The following DIAPH3 variants were observed in gnomAD, a reference collection of about 807,000 sequenced individuals.
DIAPH3 encodes the protein protein diaphanous homolog 3.
Under a neutral mutation model 144.3 loss-of-function variants are expected in DIAPH3, and 117 were observed. That is an observed-to-expected ratio of 0.81 (90% confidence interval 0.70 to 0.95). The LOEUF (loss-of-function observed/expected upper bound fraction) is 0.95, where lower values mean the gene tolerates loss of function less well. DIAPH3 is among the 40% of genes least tolerant of loss of function. The pLI is 0.00. For missense variants in DIAPH3, 1,421 were observed against 1,412.7 expected (o/e 1.01, Z -0.09); for synonymous variants, 519 against 488.9 (o/e 1.06, Z -0.81).
intron 27 of DIAPH3, among the ~76,000 whole-genome samples, chr13:59,737,675 C>T (rs977904218): frequency 2.0e-5 from 3 of 152,198 alleles, no homozygotes; most frequent in Non-Finnish European, 4.4e-5. Context: ...AACTTACTCT[C>T]TTAACCTCAC....
At chr13:60,073,392 T>C (rs948213555) in intron 4 of DIAPH3, among the ~76,000 whole-genome samples, 11 of 152,148 alleles carry the variant, frequency 7.2e-5, no homozygotes, top group African/African-American at 2.4e-4. Flanking sequence ...CATTTCCTAG[T>C]AAATGAAGGA....
chr13:60,145,446 G>A (rs1951464316), intron 1 of DIAPH3, among the ~76,000 whole-genome samples: 1 of 152,162 alleles, frequency 6.6e-6, no homozygotes, highest in Non-Finnish European at 1.5e-5. Context: ...AGGAGATCGA[G>A]ACCATCCTGG....
intron 3 of DIAPH3, among the ~76,000 whole-genome samples, chr13:60,096,410 CATG>C (rs1398572947): frequency 2.0e-5 from 3 of 152,166 alleles, no homozygotes; most frequent in Admixed American, 2.0e-4. Flanking sequence ...AAGACATCTT[CATG>C]ATAACACCAG....
At chr13:59,760,642 T>G (rs2037530257) in intron 27 of DIAPH3, among the ~76,000 whole-genome samples, 1 of 152,236 alleles carries the variant, frequency 6.6e-6, no homozygotes, top group African/African-American at 2.4e-5. Context: ...ATACATGCTT[T>G]AATGGAGGAA....
Position 59,979,730 on chromosome 13 carries a change from TAC to T in DIAPH3, c.1545+1063_1545+1064del, listed in dbSNP as rs552937885. ...ATAGAAATGTGCAACTGCCTCAAGATACATTTAGTATCTGCTACATCAAAAAC... is the reference window on the plus strand; with the variant it reads ...ATAGAAATGTGCAACTGCCTCAAGATATTTAGTATCTGCTACATCAAAAAC... On this transcript the variant is annotated intron_variant, in intron 14 of 27. Coordinates refer to ENST00000400324, the MANE Select transcript of DIAPH3 (RefSeq NM_001042517.2). 3.3e-5 allele frequency among the ~76,000 whole-genome samples: 5 copies of T among 151,794 alleles called. No individual in the cohort carries two copies. The East Asian group carries it at 9.7e-4, about 29-fold the overall frequency.
intron 5 of DIAPH3, among the ~76,000 whole-genome samples, chr13:60,041,199 G>T (rs1259458172): frequency 6.6e-6 from 1 of 152,048 alleles, no homozygotes; most frequent in Non-Finnish European, 1.5e-5. Flanking sequence ...CTTCATTTAT[G>T]AATATATCTG....
intron 3 of DIAPH3, among the ~76,000 whole-genome samples, chr13:60,099,694 C>T (rs1312156195): frequency 6.6e-6 from 1 of 151,290 alleles, no homozygotes; most frequent in Non-Finnish European, 1.5e-5. Context: ...GTTGCAACAG[C>T]AAAAAAAATA....
At chr13:60,023,990 G>A (rs2054214202) in intron 5 of DIAPH3, among the ~76,000 whole-genome samples, 1 of 151,192 alleles carries the variant, frequency 6.6e-6, no homozygotes, top group South Asian at 2.1e-4. Flanking sequence ...CAAGTAGCTG[G>A]GACTACAGGC....
In DIAPH3 at chr13:60,010,709, T is replaced by G. The variant is rs1323389238; in HGVS notation, c.772-40A>C. 6 of 1,591,190 alleles carry G rather than the reference T, an allele frequency of 3.8e-6. No individual in the cohort carries two copies. In the African/African-American group the frequency reaches 6.7e-5, roughly 18 times the overall value. On this transcript the variant is annotated intron_variant, in intron 7 of 27. Coordinates refer to ENST00000400324, the MANE Select transcript of DIAPH3 (RefSeq NM_001042517.2). ...AAATAAGAGGTCAAATGTTAGAAAT[T>G]AGTTAGAAAAATAATACCCTGAAGG...
chr13:59,841,675 T>C (rs996656850), intron 22 of DIAPH3, among the ~76,000 whole-genome samples: 3 of 152,174 alleles, frequency 2.0e-5, no homozygotes, highest in Non-Finnish European at 4.4e-5. Context: ...AAAAAAGTAG[T>C]GTATTAGTAG....
In DIAPH3 at chr13:59,717,015, C is replaced by G. The variant is rs150354090; in HGVS notation, c.3320-50169G>C. Among the ~76,000 whole-genome samples, 6 of 151,794 alleles carry G rather than the reference C, an allele frequency of 4.0e-5. No homozygotes were observed. In the East Asian group the frequency reaches 1.2e-3, roughly 29 times the overall value. On this transcript the variant is annotated intron_variant, in intron 27 of 27. Transcript: ENST00000400324. ...TTAAAAATTTCATGTACTGTGTTAA[C>G]TATCATAAAATGCAACAGAAACAAA...
chr13:60,133,502 AT>A (rs1007772255), intron 1 of DIAPH3, among the ~76,000 whole-genome samples: 44 of 152,142 alleles, frequency 2.9e-4, no homozygotes, highest in African/African-American at 1.0e-3. Context: ...AACTTAAACA[AT>A]TCTAGTAACA....
At chr13:59,982,486 A>T (rs1028341398) in intron 13 of DIAPH3, among the ~76,000 whole-genome samples, 2 of 151,032 alleles carry the variant, frequency 1.3e-5, no homozygotes, top group African/African-American at 4.9e-5. Context: ...CATTAATATT[A>T]TCTAGTTCTT....
chr13:60,099,220 T>C (rs185245104), intron 3 of DIAPH3, among the ~76,000 whole-genome samples: 5 of 152,278 alleles, frequency 3.3e-5, no homozygotes, highest in Admixed American at 1.3e-4. Context: ...CCATTAAAAA[T>C]TGAAATGCAG....
At chr13:59,712,240 C>T (rs569220112) in intron 27 of DIAPH3, among the ~76,000 whole-genome samples, 1 of 152,300 alleles carries the variant, frequency 6.6e-6, no homozygotes, top group African/African-American at 2.4e-5. Flanking sequence ...ATGGCAATAT[C>T]CTGAACAACC....
intron 27 of DIAPH3, among the ~76,000 whole-genome samples, chr13:59,769,788 G>T (rs1438438075): frequency 6.6e-6 from 1 of 151,800 alleles, no homozygotes; most frequent in Non-Finnish European, 1.5e-5. Context: ...CTTAAACTGG[G>T]CCAGCTGATT....
rs544208359 is a variant in DIAPH3, at chr13:59,839,591, T to C, written c.2738-143A>G. ...ATAAAATAAAAATAAATTTCACTTT[T>C]AACCTTTCAATTTAAAATCTAGTTA... On this transcript the variant is annotated intron_variant, in intron 22 of 27. Coordinates refer to ENST00000400324, the MANE Select transcript of DIAPH3 (RefSeq NM_001042517.2). The C allele has an allele frequency of 4.6e-5, 38 of 819,712 alleles. No individual in the cohort carries two copies. The African/African-American group carries it at 6.1e-4, about 13-fold the overall frequency. 50.8% of individuals were successfully genotyped at this position (819,712 alleles called of 1,614,324 possible). A position where few individuals can be genotyped will look rare whatever the true frequency, so the allele number is the denominator to read the frequency against.
chr13:60,004,417 T>A (rs2052731369), intron 9 of DIAPH3, among the ~76,000 whole-genome samples: 1 of 152,182 alleles, frequency 6.6e-6, no homozygotes, highest in Non-Finnish European at 1.5e-5. Flanking sequence ...GAAAAGAGTA[T>A]CTATGTTACC....
intron 5 of DIAPH3, among the ~76,000 whole-genome samples, chr13:60,033,659 C>T (rs926646251): frequency 7.2e-5 from 11 of 152,306 alleles, no homozygotes; most frequent in African/African-American, 1.4e-4. Context: ...GATCTACTCC[C>T]GTGAGCCTAA....
Sources: gnomAD v4.1 joint callset for allele counts (sites outside exome capture counted in the v4.1 genomes callset) on GRCh38, gnomAD v4.1.1 for gene constraint, MANE v1.5 for transcripts, NCBI Gene and HGNC (gene_info 2026-07-23, HGNC 2026-07-21) for gene names.